CSMD1: variants seen among roughly 807,000 people sequenced by gnomAD.
CSMD1 encodes the protein CUB and Sushi multiple domains 1.
In CSMD1, 213 loss-of-function variants were observed where a neutral mutation model predicts 417.5. That is an observed-to-expected ratio of 0.51 (90% CI 0.46 to 0.57). The LOEUF is 0.57. CSMD1 is among the 20% of genes least tolerant of loss of function. CSMD1 has a pLI of 0.00. For missense variants in CSMD1, 6,923 were observed against 4,529.7 expected (o/e 1.53, Z -15.17); for synonymous variants, 2,862 against 1,736.8 (o/e 1.65, Z -16.11).
intron 49 of CSMD1, among the ~76,000 whole-genome samples, chr8:3,076,805 C>T (rs1813717268): frequency 6.6e-6 from 1 of 152,184 alleles, no homozygotes; most frequent in South Asian, 2.1e-4. Flanking sequence ...TTCGAAGGTA[C>T]AGCAGAATCT....
In CSMD1 at chr8:4,418,885, G is replaced by C. The variant is rs528799176; in HGVS notation, c.415+1068C>G. ...GGTGGCATGAAAGACATTAGAGGCA[G>C]AATCGCAGACCATTCTCAGCATTAT... On this transcript the variant is annotated intron_variant, in intron 3 of 69. Transcript: ENST00000635120. Among the ~76,000 whole-genome samples the C allele has an allele frequency of 1.2e-4, 19 of 152,228 alleles. No homozygotes were observed. The South Asian group carries it at 3.7e-3, about 30-fold the overall frequency.
chr8:3,325,159 C>G (rs945615342), intron 23 of CSMD1, among the ~76,000 whole-genome samples: 3 of 152,162 alleles, frequency 2.0e-5, no homozygotes, highest in Non-Finnish European at 2.9e-5. Flanking sequence ...ACAGCATGAC[C>G]TGTGACCCCT....
chr8:3,336,265 G>T (rs959323191), intron 23 of CSMD1, among the ~76,000 whole-genome samples: 1 of 152,090 alleles, frequency 6.6e-6, no homozygotes, highest in African/African-American at 2.4e-5. Context: ...GCAACTTGGG[G>T]TATTATGAGT....
At position 4,994,593 on chromosome 8, in the gene CSMD1, C is replaced by T. The variant is rs963914969; in HGVS notation, c.-177G>A. The T allele has an allele frequency of 1.6e-6, 1 of 616,776 alleles. No homozygotes were observed. The allele number at this position is 616,776 out of a possible 1,614,324, so 38.2% of individuals were successfully genotyped here. A position where few individuals can be genotyped will look rare whatever the true frequency, so the allele number is the denominator to read the frequency against. ...CTGGGCGCCCGGCTCGCTTCCCTCT[C>T]ATAGCATCGGGTCCCGAGCCACTGC... On this transcript the variant is annotated 5_prime_UTR_variant, in exon 1 of 70. It removes an upstream start codon present in the reference 5' UTR. Coordinates refer to ENST00000635120, the MANE Select transcript of CSMD1 (RefSeq NM_033225.6).
At chr8:3,311,344 G>C (rs1450037661) in intron 23 of CSMD1, among the ~76,000 whole-genome samples, 1 of 152,164 alleles carries the variant, frequency 6.6e-6, no homozygotes, top group East Asian at 1.9e-4. Context: ...CCATCTCCTG[G>C]GTTCCAGTGA....
intron 2 of CSMD1, among the ~76,000 whole-genome samples, chr8:4,453,863 C>A (rs1178197497): frequency 6.0e-5 from 8 of 133,334 alleles, no homozygotes; most frequent in African/African-American, 1.9e-4. Context: ...ACTCTGTCAC[C>A]CACGCTGGAG....
At chr8:4,035,796 A>G (rs778135976) in intron 3 of CSMD1, among the ~76,000 whole-genome samples, 1 of 152,198 alleles carries the variant, frequency 6.6e-6, no homozygotes, top group African/African-American at 2.4e-5. Context: ...TGATTAAAAA[A>G]GAAAAATGTG....
At chr8:2,973,356 G>C in intron 56 of CSMD1, 57 bp from the exon 57 acceptor site, 1 of 1,520,938 alleles carries the variant, frequency 6.6e-7, no homozygotes, top group Middle Eastern at 1.7e-4. Flanking sequence ...GTTTTAAGCA[G>C]AGTTGTCACA....
chr8:3,263,487 G>C (rs1563200833), intron 26 of CSMD1, among the ~76,000 whole-genome samples: 2 of 152,066 alleles, frequency 1.3e-5, no homozygotes, highest in African/African-American at 4.8e-5. Context: ...TGAATTCAAA[G>C]AGCCTTATAA....
chr8:3,375,119 A>G (rs2116738989), intron 18 of CSMD1: 1 of 152,226 alleles, frequency 6.6e-6, no homozygotes, highest in South Asian at 2.1e-4. Flanking sequence ...CAGCTTCCAC[A>G]TGTACATGTT....
intron 1 of CSMD1, among the ~76,000 whole-genome samples, chr8:4,752,259 C>A (rs1389734987): frequency 1.3e-5 from 2 of 152,110 alleles, no homozygotes; most frequent in Non-Finnish European, 2.9e-5. Flanking sequence ...GTGTACTTGT[C>A]TTGACAATAC....
At chr8:4,490,880 A>C (rs17415426) in intron 2 of CSMD1, among the ~76,000 whole-genome samples, 13,446 of 152,282 alleles carry the variant, frequency 0.088, 659 homozygotes, top group Middle Eastern at 0.12. Context: ...TTTAATACAC[A>C]CAAAGCACAG....
chr8:3,524,098 CAGAG>C (rs551563994), intron 10 of CSMD1, among the ~76,000 whole-genome samples: 5 of 150,896 alleles, frequency 3.3e-5, no homozygotes, highest in African/African-American at 1.2e-4. Context: ...CATGCACACC[CAGAG>C]AGACATATGG....
At chr8:3,972,608 G>A (rs1193331082) in intron 5 of CSMD1, among the ~76,000 whole-genome samples, 1 of 152,122 alleles carries the variant, frequency 6.6e-6, no homozygotes, top group African/African-American at 2.4e-5. Flanking sequence ...TATTTTTAAT[G>A]TACTACTAAG....
intron 1 of CSMD1, among the ~76,000 whole-genome samples, chr8:4,745,382 G>C (rs1329933242): frequency 1.3e-5 from 2 of 152,118 alleles, no homozygotes; most frequent in East Asian, 1.9e-4. Flanking sequence ...CAGCACCTAA[G>C]CTTTAATAAG....
chr8:3,900,059 G>C (rs112466336), intron 5 of CSMD1, among the ~76,000 whole-genome samples: 2,495 of 152,062 alleles, frequency 0.016, 72 homozygotes, highest in African/African-American at 0.054. Context: ...GCTGTAGCTG[G>C]GTAACACTAG....
chr8:4,569,032 G>T (rs1033771761), intron 2 of CSMD1, among the ~76,000 whole-genome samples: 1 of 152,038 alleles, frequency 6.6e-6, no homozygotes, highest in Non-Finnish European at 1.5e-5. Flanking sequence ...TTGTCAGATG[G>T]ATAGATTGAC....
intron 3 of CSMD1, among the ~76,000 whole-genome samples, chr8:4,160,147 CTT>C (rs1797066187): frequency 6.6e-6 from 1 of 151,456 alleles, no homozygotes; most frequent in African/African-American, 2.4e-5. Flanking sequence ...CAAGTATTAA[CTT>C]TGAAAATTAT....
At chr8:4,239,782 G>C (rs1235149113) in intron 3 of CSMD1, among the ~76,000 whole-genome samples, 1 of 152,168 alleles carries the variant, frequency 6.6e-6, no homozygotes, top group Non-Finnish European at 1.5e-5. Context: ...TTTCACGTTA[G>C]TTCCATTCTC....
Sources: gnomAD v4.1 joint callset for allele counts (sites outside exome capture counted in the v4.1 genomes callset) on GRCh38, gnomAD v4.1.1 for gene constraint, MANE v1.5 for transcripts, NCBI Gene and HGNC (gene_info 2026-07-23, HGNC 2026-07-21) for gene names.